Variants in THSD4 observed in about 807,000 individuals in gnomAD.
THSD4 encodes the protein thrombospondin type 1 domain containing 4, also known as thrombospondin type-1 domain-containing protein 4.
A neutral mutation model predicts 119.0 loss-of-function variants in THSD4; 69 were observed. The ratio of observed to expected loss-of-function variants is 0.58; its 90% confidence interval spans 0.48 to 0.71. The LOEUF is 0.71. Among genes scored for constraint, THSD4 ranks in the 30% least tolerant of loss-of-function variants. THSD4 has a pLI of 0.00. For missense variants in THSD4, 1,393 were observed against 1,391.1 expected, an observed-to-expected ratio of 1.00 and a Z score of -0.02; for synonymous variants, 524 against 540.4, an observed-to-expected ratio of 0.97 and a Z score of 0.42.
intron 6 of THSD4, among the ~76,000 whole-genome samples, chr15:71,325,887 CA>C (rs1172953273): frequency 6.6e-6 from 1 of 152,254 alleles, no homozygotes; most frequent in East Asian, 1.9e-4. Context: ...AAACCAGAAC[CA>C]AAAAAGCCCA....
At chr15:71,557,181 T>A (rs1208887884) in intron 7 of THSD4, among the ~76,000 whole-genome samples, 3 of 152,176 alleles carry the variant, frequency 2.0e-5, no homozygotes, top group Non-Finnish European at 2.9e-5. Context: ...ATTTATTTTT[T>A]AAATCATGAA....
At chr15:71,207,629 T>G (rs7170643) in intron 3 of THSD4, among the ~76,000 whole-genome samples, 4 of 152,228 alleles carry the variant, frequency 2.6e-5, no homozygotes, top group Non-Finnish European at 5.9e-5. Flanking sequence ...GAGCGGCGGG[T>G]CAGCGGGCAT....
chr15:71,451,984 T>C (rs575288567), intron 7 of THSD4, among the ~76,000 whole-genome samples: 79 of 152,278 alleles, frequency 5.2e-4, no homozygotes, highest in African/African-American at 1.8e-3. Flanking sequence ...GGCAGCACAC[T>C]GTTGAGGGTT....
chr15:71,475,988 A>G (rs2047650002), intron 7 of THSD4, among the ~76,000 whole-genome samples: 1 of 152,210 alleles, frequency 6.6e-6, no homozygotes, highest in Non-Finnish European at 1.5e-5. Context: ...TTGGGCTCAT[A>G]TCCCCACTCA....
At chr15:71,123,996 C>T (rs17784142) in intron 1 of THSD4, among the ~76,000 whole-genome samples, 50,059 of 152,128 alleles carry the variant, frequency 0.33, 9,234 homozygotes, top group Middle Eastern at 0.46. Flanking sequence ...CTTGGTATCT[C>T]GTGATGCTTT....
At chr15:71,546,619 A>G (rs2048841984) in intron 7 of THSD4, among the ~76,000 whole-genome samples, 1 of 152,178 alleles carries the variant, frequency 6.6e-6, no homozygotes, top group South Asian at 2.1e-4. Flanking sequence ...ATTTTCTGCA[A>G]TAATTCCTCA....
intron 7 of THSD4, among the ~76,000 whole-genome samples, chr15:71,514,643 AATAC>A (rs377561089): frequency 4.6e-5 from 7 of 152,342 alleles, no homozygotes; most frequent in African/African-American, 1.7e-4. Flanking sequence ...TGACATAATT[AATAC>A]ATATACACTG....
At chr15:71,357,921 G>A (rs1457232438) in intron 6 of THSD4, among the ~76,000 whole-genome samples, 1 of 152,198 alleles carries the variant, frequency 6.6e-6, no homozygotes, top group Non-Finnish European at 1.5e-5. Context: ...TGCTGGCCTT[G>A]TGCTGCGCGA....
chr15:71,689,875 C>A (rs915454553), intron 8 of THSD4, among the ~76,000 whole-genome samples: 1 of 152,124 alleles, frequency 6.6e-6, no homozygotes. Context: ...TGTTCTTCCC[C>A]GTCCCTGAAC....
At chr15:71,424,506 A>G (rs1350050060) in intron 7 of THSD4, among the ~76,000 whole-genome samples, 5 of 152,176 alleles carry the variant, frequency 3.3e-5, no homozygotes, top group Non-Finnish European at 5.9e-5. Context: ...TGTCATCTCC[A>G]AAAACGAGAG....
At chr15:71,215,483 C>G in intron 4 of THSD4, 84 bp downstream of exon 4, 1 of 1,338,518 alleles carries the variant, frequency 7.5e-7, no homozygotes, top group Non-Finnish European at 9.8e-7. Flanking sequence ...GCACGCTGCT[C>G]TGCACCACAG....
intron 7 of THSD4, among the ~76,000 whole-genome samples, chr15:71,591,195 T>C (rs2049795773): frequency 6.6e-6 from 1 of 152,114 alleles, no homozygotes; most frequent in Admixed American, 6.5e-5. Context: ...CAATTGTTTA[T>C]TATGAACCTC....
chr15:71,689,915 A>T (rs924554), intron 8 of THSD4, among the ~76,000 whole-genome samples: 5 of 152,184 alleles, frequency 3.3e-5, no homozygotes, highest in Non-Finnish European at 1.5e-5. Context: ...TGACTTTTTC[A>T]TGAGGCAACC....
chr15:71,178,044 GC>G (rs2043465745), intron 3 of THSD4, among the ~76,000 whole-genome samples: 1 of 52,374 alleles, frequency 1.9e-5, no homozygotes, highest in Non-Finnish European at 3.8e-5. Context: ...TACTGAATGG[GC>G]AAAAACTGGA....
chr15:71,712,206 G>C (rs2052530750), intron 8 of THSD4, among the ~76,000 whole-genome samples: 3 of 151,878 alleles, frequency 2.0e-5, no homozygotes. Context: ...AACAGAAAGA[G>C]ATCTAGAAAT....
chr15:71,270,389 G>T (rs1344601275), intron 6 of THSD4, among the ~76,000 whole-genome samples: 2 of 152,312 alleles, frequency 1.3e-5, no homozygotes, highest in South Asian at 4.1e-4. Flanking sequence ...GAGAAACCTG[G>T]CTAGCCATAT....
intron 17 of THSD4, among the ~76,000 whole-genome samples, chr15:71,772,484 G>C (rs2053839602): frequency 6.6e-6 from 1 of 152,168 alleles, no homozygotes; most frequent in African/African-American, 2.4e-5. Flanking sequence ...AATGTGAATA[G>C]ATAGAAACAT....
At chr15:71,341,192 T>C in intron 6 of THSD4, 1 of 1,521,046 alleles carries the variant, frequency 6.6e-7, no homozygotes. Context: ...TTTCTTCAGT[T>C]TCTTCTGGGA....
At chr15:71,483,566 A>G (rs962573518) in intron 7 of THSD4, among the ~76,000 whole-genome samples, 2 of 151,748 alleles carry the variant, frequency 1.3e-5, no homozygotes, top group African/African-American at 4.8e-5. Context: ...TTCTTTTTTT[A>G]ATTTATTATT....
Sources: allele counts gnomAD v4.1 joint callset (sites outside exome capture counted in the v4.1 genomes callset), GRCh38; gene constraint gnomAD v4.1.1; transcripts MANE v1.5; gene names NCBI Gene and HGNC (gene_info 2026-07-23, HGNC 2026-07-21).